TBC1D5: variants seen among roughly 807,000 people sequenced by gnomAD.
TBC1D5 encodes the protein TBC1 domain family, member 5.
TBC1D5 carries 75 observed loss-of-function variants against 100.3 expected under a neutral mutation model. The observed-to-expected ratio is 0.75, with a 90% CI of 0.62 to 0.91. TBC1D5 has a LOEUF of 0.91. TBC1D5 is among the 40% of genes least tolerant of loss of function. The probability of loss-of-function intolerance (pLI) is 0.00; values close to 1 mark genes in which losing one functional copy is unlikely to be tolerated. For synonymous variants in TBC1D5, 323 were observed against 325.6 expected, an observed-to-expected ratio of 0.99 and a Z score of 0.09; for missense variants, 910 against 942.4, an observed-to-expected ratio of 0.97 and a Z score of 0.45.
chr3:17,711,782 A>G (rs2074759459), intron 1 of TBC1D5, among the ~76,000 whole-genome samples: 1 of 152,176 alleles, frequency 6.6e-6, no homozygotes, highest in East Asian at 1.9e-4. Context: ...TGATGTATTT[A>G]CAGGTTTTCA....
intron 2 of TBC1D5, among the ~76,000 whole-genome samples, chr3:17,509,743 A>C (rs970152997): frequency 5.3e-5 from 8 of 151,984 alleles, no homozygotes; most frequent in African/African-American, 1.9e-4. Flanking sequence ...TTTGTGACAT[A>C]GGTAACTTTT....
chr3:17,334,814 G>A (rs2087437139), intron 13 of TBC1D5, among the ~76,000 whole-genome samples: 1 of 152,086 alleles, frequency 6.6e-6, no homozygotes, highest in Non-Finnish European at 1.5e-5. Context: ...TGTATCAAAA[G>A]GATTCAGCAA....
intron 16 of TBC1D5, among the ~76,000 whole-genome samples, chr3:17,238,775 T>C (rs2076080987): frequency 6.6e-6 from 1 of 152,100 alleles, no homozygotes; most frequent in Admixed American, 6.6e-5. Flanking sequence ...TAAATAAATA[T>C]ATGCTTAAAA....
At chr3:17,352,238 A>T (rs912266110) in intron 13 of TBC1D5, among the ~76,000 whole-genome samples, 1 of 152,070 alleles carries the variant, frequency 6.6e-6, no homozygotes, top group African/African-American at 2.4e-5. Context: ...TTATCGGGGC[A>T]TTATTCTGAC....
intron 2 of TBC1D5, among the ~76,000 whole-genome samples, chr3:17,598,532 C>A (rs1435933797): frequency 6.6e-6 from 1 of 151,998 alleles, no homozygotes; most frequent in Non-Finnish European, 1.5e-5. Context: ...TAAATCTATT[C>A]CCTTTTTATA....
intron 16 of TBC1D5, among the ~76,000 whole-genome samples, chr3:17,240,237 C>T (rs990176615): frequency 2.0e-5 from 3 of 152,078 alleles, no homozygotes; most frequent in Non-Finnish European, 2.9e-5. Flanking sequence ...ACTTACATTG[C>T]TTTGGAGGTA....
At chr3:17,418,037 A>G (rs977272522) in intron 4 of TBC1D5, among the ~76,000 whole-genome samples, 1 of 152,144 alleles carries the variant, frequency 6.6e-6, no homozygotes, top group African/African-American at 2.4e-5. Context: ...GATTATGTCA[A>G]CCAAACTACT....
chr3:17,313,207 G>A (rs1308145917), intron 13 of TBC1D5, among the ~76,000 whole-genome samples: 1 of 152,132 alleles, frequency 6.6e-6, no homozygotes, highest in Non-Finnish European at 1.5e-5. Flanking sequence ...CTGCTGAGAA[G>A]TAACCTCTCT....
chr3:17,621,961 C>T (rs896657308), intron 2 of TBC1D5, among the ~76,000 whole-genome samples: 4 of 152,162 alleles, frequency 2.6e-5, no homozygotes, highest in African/African-American at 4.8e-5. Flanking sequence ...ACACTAAGAA[C>T]AGTCAGTTTT....
chr3:17,649,655 G>A (rs1560374207), intron 1 of TBC1D5, among the ~76,000 whole-genome samples: 1 of 152,152 alleles, frequency 6.6e-6, no homozygotes, highest in Non-Finnish European at 1.5e-5. Context: ...AGATGCTGGA[G>A]AGGATGTGGA....
intron 13 of TBC1D5, among the ~76,000 whole-genome samples, chr3:17,329,901 C>A (rs901381840): frequency 1.3e-5 from 2 of 152,190 alleles, no homozygotes; most frequent in African/African-American, 2.4e-5. Context: ...TTTCTCTATT[C>A]TTCATCATGG....
chr3:17,483,563 T>C (rs935238805), intron 3 of TBC1D5, among the ~76,000 whole-genome samples: 7 of 152,218 alleles, frequency 4.6e-5, no homozygotes, highest in Non-Finnish European at 8.8e-5. Context: ...ACTAAGTTTT[T>C]TAATGTACCA....
chr3:17,686,184 C>G (rs554742405), intron 1 of TBC1D5, among the ~76,000 whole-genome samples: 5 of 152,076 alleles, frequency 3.3e-5, no homozygotes, highest in Admixed American at 6.6e-5. Flanking sequence ...TGAAAGAACA[C>G]GATGAGATCC....
At chr3:17,437,559 T>A (rs757854088) in intron 3 of TBC1D5, among the ~76,000 whole-genome samples, 3 of 147,250 alleles carry the variant, frequency 2.0e-5, no homozygotes, top group Non-Finnish European at 4.4e-5. Flanking sequence ...ATAGGTAGTA[T>A]GCATGTGTGT....
chr3:17,390,842 C>A (rs1334096508), intron 8 of TBC1D5, among the ~76,000 whole-genome samples: 1 of 152,076 alleles, frequency 6.6e-6, no homozygotes, highest in Non-Finnish European at 1.5e-5. Flanking sequence ...AGACACAATT[C>A]TTTTTCTTCC....
At chr3:17,731,699 T>C (rs547279646) in intron 1 of TBC1D5, among the ~76,000 whole-genome samples, 3 of 151,996 alleles carry the variant, frequency 2.0e-5, no homozygotes, top group South Asian at 4.2e-4. Context: ...GAAGACATAG[T>C]AGGGATGAAG....
intron 17 of TBC1D5, among the ~76,000 whole-genome samples, chr3:17,219,848 T>C (rs1030007688): frequency 3.3e-5 from 5 of 151,968 alleles, no homozygotes; most frequent in Non-Finnish European, 7.4e-5. Flanking sequence ...ACTTCCAGAG[T>C]TCTGAAAAAG....
At chr3:17,374,361 G>A (rs2092610844) in intron 12 of TBC1D5, 110 bp downstream of exon 12, 1 of 973,600 alleles carries the variant, frequency 1.0e-6, no homozygotes, top group African/African-American at 1.7e-5. Flanking sequence ...ATTTCATTTT[G>A]GTTACAGCAA....
intron 13 of TBC1D5, among the ~76,000 whole-genome samples, chr3:17,363,939 A>G (rs941277811): frequency 1.3e-5 from 2 of 151,658 alleles, no homozygotes; most frequent in African/African-American, 2.4e-5. Flanking sequence ...ATAAGGAAAA[A>G]TTTACATTGA....
Sources: allele counts gnomAD v4.1 joint callset (sites outside exome capture counted in the v4.1 genomes callset), GRCh38; gene constraint gnomAD v4.1.1; transcripts MANE v1.5; gene names NCBI Gene and HGNC (gene_info 2026-07-23, HGNC 2026-07-21).